The following PTPN2 variants were observed in gnomAD, a reference collection of about 807,000 sequenced individuals.
PTPN2 encodes protein tyrosine phosphatase non-receptor type 2.
Under a neutral mutation model 57.3 loss-of-function variants are expected in PTPN2, and 19 were observed. That is an observed-to-expected ratio of 0.33 (90% CI 0.23 to 0.49). PTPN2 has a LOEUF of 0.49. PTPN2 is among the 20% of genes least tolerant of loss of function. The pLI, the probability that PTPN2 is intolerant of heterozygous loss-of-function variation, is 0.99. For synonymous variants in PTPN2, 153 were observed against 164.9 expected (o/e 0.93, Z 0.55); for missense variants, 358 against 501.1 (o/e 0.71, Z 2.73).
At chr18:12,836,728 T>C in intron 3 of PTPN2, 63 bp downstream of exon 3, 1 of 1,068,694 alleles carries the variant, frequency 9.4e-7, no homozygotes, top group South Asian at 1.4e-5. Flanking sequence ...TTACCTATGA[T>C]TTAAAGCAGA....
At position 12,859,218 on chromosome 18, in the gene PTPN2, C is replaced by T. The variant is rs537221478; in HGVS notation, c.106G>A (p.Val36Met). The change falls in exon 2 of 9, where the codon GTG becomes ATG. Residue 36 changes from valine (V) to methionine (M), a missense_variant. Physicochemically the swap from Val to Met is conservative, Grantham distance 21 (BLOSUM62 1). Around this residue, in one of 4 missense-constraint regions of PTPN2, gnomAD observed 62 missense variants for 47.9 expected, o/e 1.29. Transcript: ENST00000309660. ...RNESHDYPHR[V>M]AKFPENRNRN... is the part of the protein sequence containing the mutation. ...TTTCTGTTTTCTGGAAACTTGGCCA[C>T]TCTATGAGGATAGTCATGGGACTCA... The T allele has an allele frequency of 1.2e-6, 2 of 1,613,332 alleles. No homozygotes were observed. The highest frequency in any genetic ancestry group is 1.7e-6 in the Non-Finnish European group (2 of 1,179,390).
At chr18:12,809,612 T>C (rs550554187) in intron 7 of PTPN2, among the ~76,000 whole-genome samples, 1 of 152,304 alleles carries the variant, frequency 6.6e-6, no homozygotes, top group Admixed American at 6.5e-5. Flanking sequence ...GAAGATCCTA[T>C]CAAGGACGCA....
intron 1 of PTPN2, among the ~76,000 whole-genome samples, chr18:12,874,684 G>T (rs1442614933): frequency 6.6e-6 from 1 of 150,478 alleles, no homozygotes; most frequent in Admixed American, 6.6e-5. Flanking sequence ...GAGGGAGGTG[G>T]GGGGGTCAAC....
At chr18:12,798,865 C>T (rs1239641132) in intron 8 of PTPN2, among the ~76,000 whole-genome samples, 1 of 151,984 alleles carries the variant, frequency 6.6e-6, no homozygotes, top group Non-Finnish European at 1.5e-5. Context: ...CTAATTTATA[C>T]TCCCACCAAC....
rs1213254112 is a variant in PTPN2, at chr18:12,825,880, C to G, written c.425G>C (p.Ser142Thr). Residue 142 changes from serine to threonine, a missense_variant, in exon 5 of 9, where the codon AGT (serine) becomes ACT (threonine). Physicochemically the swap from Ser to Thr is moderately conservative, Grantham distance 58 (BLOSUM62 1). Transcript: ENST00000309660. Reference protein sequence around the residue: ...QEMLFKETGFSVKLLSEDVKS... With the variant: ...QEMLFKETGFTVKLLSEDVKS... ...CACATCTTCTGACAAGAGCTTCACA[C>G]TGAATCCTGTTTCTTTAAACAGCAT... The G allele has an allele frequency of 3.1e-6, 5 of 1,610,874 alleles. No individual in the cohort carries two copies. In the Admixed American group the frequency reaches 6.7e-5, roughly 21 times the overall value.
intron 2 of PTPN2, among the ~76,000 whole-genome samples, chr18:12,845,894 A>G (rs1316978858): frequency 6.6e-6 from 1 of 152,214 alleles, no homozygotes; most frequent in African/African-American, 2.4e-5. Flanking sequence ...TCGAAATTAT[A>G]AAATTAACAG....
At chr18:12,881,838 T>C (rs2044676225) in intron 1 of PTPN2, among the ~76,000 whole-genome samples, 1 of 152,214 alleles carries the variant, frequency 6.6e-6, no homozygotes, top group Admixed American at 6.5e-5. Flanking sequence ...CTTTAACGTT[T>C]TCATCAGCTT....
intron 1 of PTPN2, among the ~76,000 whole-genome samples, chr18:12,874,412 G>A (rs1225278281): frequency 1.3e-5 from 2 of 149,568 alleles, no homozygotes; most frequent in East Asian, 2.0e-4. Flanking sequence ...GGAGGTGGGG[G>A]GATCAGCCCC....
intron 2 of PTPN2, among the ~76,000 whole-genome samples, chr18:12,846,460 C>A (rs1442523503): frequency 6.6e-6 from 1 of 152,090 alleles, no homozygotes; most frequent in African/African-American, 2.4e-5. Context: ...CTATTTTATT[C>A]AATAGGTTGT....
At chr18:12,824,827 T>C (rs2042390746) in intron 5 of PTPN2, among the ~76,000 whole-genome samples, 1 of 152,168 alleles carries the variant, frequency 6.6e-6, no homozygotes, top group Admixed American at 6.5e-5. Context: ...GGCTCATGAC[T>C]GTAACCTCAA....
At chr18:12,813,070 C>T (rs2041950885) in intron 7 of PTPN2, among the ~76,000 whole-genome samples, 1 of 151,242 alleles carries the variant, frequency 6.6e-6, no homozygotes, top group Non-Finnish European at 1.5e-5. Context: ...AAGGACAATA[C>T]ATTTCCCTCC....
chr18:12,868,232 G>C (rs1354267988), intron 1 of PTPN2, among the ~76,000 whole-genome samples: 1 of 152,012 alleles, frequency 6.6e-6, no homozygotes, highest in Non-Finnish European at 1.5e-5. Flanking sequence ...ATTTGTCATA[G>C]TTGTTGTTTT....
chr18:12,856,834 C>T (rs1296856567), intron 2 of PTPN2, among the ~76,000 whole-genome samples: 1 of 151,750 alleles, frequency 6.6e-6, no homozygotes, highest in East Asian at 1.9e-4. Flanking sequence ...CTGAAGCAGG[C>T]GGATCACTTG....
intron 5 of PTPN2, 142 bp from the exon 6 acceptor site, chr18:12,817,507 A>G: frequency 1.5e-6 from 1 of 677,700 alleles, no homozygotes; most frequent in South Asian, 2.0e-5. Context: ...TTTTCTGACA[A>G]TCCCATATAC....
intron 6 of PTPN2, 98 bp downstream of exon 6, chr18:12,817,058 A>T (rs779724197): frequency 8.6e-7 from 1 of 1,163,894 alleles, no homozygotes; most frequent in Non-Finnish European, 1.2e-6. Flanking sequence ...GAAAAACCTC[A>T]GTTCTGGGAT....
chr18:12,800,552 A>G (rs1315608703), intron 8 of PTPN2, among the ~76,000 whole-genome samples: 1 of 152,138 alleles, frequency 6.6e-6, no homozygotes, highest in Non-Finnish European at 1.5e-5. Flanking sequence ...ACTAAATCAT[A>G]ATAAACTCTT....
At chr18:12,786,597 TAGG>T (rs934075836) in intron 9 of PTPN2, 34 of 152,358 alleles carry the variant, frequency 2.2e-4, no homozygotes, top group African/African-American at 7.5e-4. Context: ...AACAACTTTT[TAGG>T]AGGTCAATGG....
At chr18:12,787,398 C>T (rs1245771095), downstream of PTPN2, 2 of 152,184 alleles carry the variant, frequency 1.3e-5, no homozygotes, top group Non-Finnish European at 2.9e-5. Flanking sequence ...TCAGTTTTCT[C>T]ATCTGAATAT....
intron 5 of PTPN2, among the ~76,000 whole-genome samples, chr18:12,823,401 T>C (rs772990881): frequency 2.6e-5 from 4 of 152,122 alleles, no homozygotes; most frequent in African/African-American, 7.2e-5. Flanking sequence ...TGGCCGGGCG[T>C]GTTGGCTCAC....
Sources: allele counts gnomAD v4.1 joint callset (sites outside exome capture counted in the v4.1 genomes callset), GRCh38; gene constraint gnomAD v4.1.1; regional missense constraint gnomAD v4.1.1; transcripts MANE v1.5; gene names NCBI Gene and HGNC (gene_info 2026-07-23, HGNC 2026-07-21).